GRID2: variants seen among roughly 807,000 people sequenced by gnomAD.
GRID2 encodes glutamate ionotropic receptor delta type subunit 2, also known as glutamate receptor ionotropic, delta-2.
Under a neutral mutation model 114.8 loss-of-function variants are expected in GRID2, and 33 were observed. The ratio of observed to expected loss-of-function variants is 0.29; its 90% CI spans 0.22 to 0.38. GRID2 has a LOEUF of 0.38. Among genes scored for constraint, GRID2 ranks in the 10% least tolerant of loss-of-function variants. The probability of loss-of-function intolerance (pLI) is 1.00; values close to 1 mark genes in which losing one functional copy is unlikely to be tolerated. For missense variants in GRID2, 1,184 were observed against 1,257.7 expected (o/e 0.94, Z 0.89); for synonymous variants, 505 against 449.9 (o/e 1.12, Z -1.55).
intron 4 of GRID2, among the ~76,000 whole-genome samples, chr4:93,154,650 A>G (rs1560933826): frequency 6.6e-6 from 1 of 152,014 alleles, no homozygotes; most frequent in Non-Finnish European, 1.5e-5. Flanking sequence ...ATCTGATTGA[A>G]GAAACAAGGG....
At position 93,526,193 on chromosome 4, in the gene GRID2, A is replaced by T. The variant is rs140433992; in HGVS notation, c.2193+10782A>T. Among the ~76,000 whole-genome samples, 25 of 152,248 alleles carry T rather than the reference A, an allele frequency of 1.6e-4. 1 individual carries two copies. In the East Asian group the frequency reaches 4.3e-3, roughly 26 times the overall value. The stretch of plus-strand genomic sequence containing the variant: ...CGTGCTGTTCTCACAATAGTGAGTG[A>T]GTTCTTGCCGAGCTAGTGGTTTTAA... On this transcript the variant is annotated intron_variant, in intron 13 of 15. Transcript: ENST00000282020.
chr4:93,162,474 T>C (rs1317980658), intron 4 of GRID2, among the ~76,000 whole-genome samples: 1 of 151,934 alleles, frequency 6.6e-6, no homozygotes, highest in Non-Finnish European at 1.5e-5. Context: ...AAAAATATTG[T>C]GCTTCAGCTC....
chr4:93,473,663 A>G (rs1389680109), intron 11 of GRID2, among the ~76,000 whole-genome samples: 1 of 152,190 alleles, frequency 6.6e-6, no homozygotes, highest in East Asian at 1.9e-4. Context: ...TCAAACCTTT[A>G]TATGTGTATT....
chr4:92,606,172 T>A (rs1350867996), intron 2 of GRID2, among the ~76,000 whole-genome samples: 1 of 147,824 alleles, frequency 6.8e-6, no homozygotes, highest in Non-Finnish European at 1.5e-5. Context: ...TTTTATAGTT[T>A]TCTGTACACT....
chr4:92,569,656 G>A (rs75620796), intron 1 of GRID2, among the ~76,000 whole-genome samples: 2,173 of 151,868 alleles, frequency 0.014, 45 homozygotes, highest in African/African-American at 0.05. Context: ...ACTTTTTAAT[G>A]TCTATTCTGA....
intron 12 of GRID2, among the ~76,000 whole-genome samples, chr4:93,504,544 C>T (rs753439224): frequency 1.3e-5 from 2 of 151,744 alleles, no homozygotes; most frequent in Non-Finnish European, 2.9e-5. Flanking sequence ...ATTAGAAGTA[C>T]GATGAAGTTT....
intron 8 of GRID2, among the ~76,000 whole-genome samples, chr4:93,376,612 C>T (rs557945425): frequency 3.3e-5 from 5 of 152,242 alleles, no homozygotes; most frequent in African/African-American, 1.2e-4. Flanking sequence ...TTTGATGACA[C>T]TGAGAAACTA....
chr4:92,441,059 C>T (rs1733036296), intron 1 of GRID2, among the ~76,000 whole-genome samples: 1 of 152,012 alleles, frequency 6.6e-6, no homozygotes, highest in Non-Finnish European at 1.5e-5. Context: ...TGCATGCAGA[C>T]ATGAGGGCTA....
At chr4:93,786,644 A>G (rs1734596634) in intron 1 of GRID2, among the ~76,000 whole-genome samples, 1 of 152,230 alleles carries the variant, frequency 6.6e-6, no homozygotes, top group Non-Finnish European at 1.5e-5. Flanking sequence ...TTTCTACAAG[A>G]TGGAGGAAGC....
intron 10 of GRID2, among the ~76,000 whole-genome samples, chr4:93,444,890 G>A (rs1210964640): frequency 6.6e-6 from 1 of 151,900 alleles, no homozygotes; most frequent in Non-Finnish European, 1.5e-5. Flanking sequence ...TCAAAACAGT[G>A]TTTACATATG....
At chr4:92,950,156 C>T (rs1359825055) in intron 2 of GRID2, among the ~76,000 whole-genome samples, 2 of 152,096 alleles carry the variant, frequency 1.3e-5, no homozygotes, top group Admixed American at 1.3e-4. Flanking sequence ...ACAGAGTTTC[C>T]TGCATCACAC....
chr4:92,867,918 C>G (rs552434146), intron 2 of GRID2, among the ~76,000 whole-genome samples: 2 of 152,064 alleles, frequency 1.3e-5, no homozygotes, highest in Non-Finnish European at 2.9e-5. Context: ...TTCCCAAATC[C>G]AGGTTACATA....
chr4:92,988,004 ATCAAT>A (rs1170185271), intron 2 of GRID2, among the ~76,000 whole-genome samples: 7 of 152,174 alleles, frequency 4.6e-5, no homozygotes, highest in East Asian at 1.9e-4. Flanking sequence ...ACATTAATTG[ATCAAT>A]TCAATTATTT....
chr4:92,784,097 A>G (rs749247327), intron 2 of GRID2, among the ~76,000 whole-genome samples: 4 of 152,020 alleles, frequency 2.6e-5, no homozygotes, highest in Non-Finnish European at 4.4e-5. Context: ...TGATGATATC[A>G]AATTTATACA....
In GRID2 at chr4:93,145,579, C is replaced by A. The variant is rs150482598; in HGVS notation, c.735+34626C>A. 4.8e-3 allele frequency among the ~76,000 whole-genome samples: 711 copies of A among 149,286 alleles called. 4 individuals carry two copies. Among genetic ancestry groups the A allele is most frequent in the Non-Finnish European group, 8.6e-3 (579 of 67,470 alleles). ...CAAGTTCAAGTTCTCCAGCCTCAGC[C>A]TCCTGAGTAGCTGGAATTACAGGTG... is the stretch of plus-strand genomic sequence containing the variant. On this transcript the variant is annotated intron_variant, in intron 4 of 15. Coordinates refer to ENST00000282020, the MANE Select transcript of GRID2 (RefSeq NM_001510.4).
chr4:93,695,202 G>A (rs961401032), intron 14 of GRID2, among the ~76,000 whole-genome samples: 18 of 151,082 alleles, frequency 1.2e-4, no homozygotes, highest in Non-Finnish European at 2.1e-4. Flanking sequence ...GTTACTGAGC[G>A]CCATGGAAGG....
intron 1 of GRID2, among the ~76,000 whole-genome samples, chr4:92,549,722 A>T (rs1222032438): frequency 6.6e-6 from 1 of 152,156 alleles, no homozygotes; most frequent in Non-Finnish European, 1.5e-5. Context: ...CAGGTAAGTC[A>T]TTTCATAAAT....
At chr4:92,894,963 AT>A in intron 2 of GRID2, among the ~76,000 whole-genome samples, 1 of 152,038 alleles carries the variant, frequency 6.6e-6, no homozygotes, top group South Asian at 2.1e-4. Context: ...CATAATTGCT[AT>A]TTATGGCCAG....
chr4:92,451,490 C>T (rs565910126), intron 1 of GRID2, among the ~76,000 whole-genome samples: 12 of 152,148 alleles, frequency 7.9e-5, no homozygotes, highest in East Asian at 3.9e-4. Flanking sequence ...TGCAGATACA[C>T]GCATACAATA....
Sources: gnomAD v4.1 joint callset for allele counts (sites outside exome capture counted in the v4.1 genomes callset) on GRCh38, gnomAD v4.1.1 for gene constraint, MANE v1.5 for transcripts, NCBI Gene and HGNC (gene_info 2026-07-23, HGNC 2026-07-21) for gene names.